CDH10: variants seen among roughly 807,000 people sequenced by gnomAD.
CDH10 encodes cadherin 10, also known as cadherin-10.
Under a neutral mutation model 73.1 loss-of-function variants are expected in CDH10, and 30 were observed. That is an observed-to-expected ratio of 0.41 (90% CI 0.31 to 0.56). CDH10 has a LOEUF of 0.56. CDH10 is among the 20% of genes least tolerant of loss of function. The probability of loss-of-function intolerance (pLI) is 0.27; values close to 1 mark genes in which losing one functional copy is unlikely to be tolerated. For synonymous variants in CDH10, 345 were observed against 348.2 expected (o/e 0.99, Z 0.10); for missense variants, 815 against 973.7 (o/e 0.84, Z 2.17).
chr5:24,593,697 T>C (rs905030942), intron 1 of CDH10, 84 bp from the exon 2 acceptor site: 2 of 522,388 alleles, frequency 3.8e-6, no homozygotes, highest in African/African-American at 3.9e-5. Context: ...GTGACAATAG[T>C]TTATTAATAA....
intron 11 of CDH10, 96 bp from the exon 12 acceptor site, chr5:24,488,249 T>A (rs2111615054): frequency 9.8e-7 from 1 of 1,024,584 alleles, no homozygotes; most frequent in Non-Finnish European, 1.4e-6. Flanking sequence ...ACTCAGGCTT[T>A]CTATAACAGC....
intron 1 of CDH10, among the ~76,000 whole-genome samples, chr5:24,604,817 G>C (rs555447302): frequency 6.7e-6 from 1 of 148,876 alleles, no homozygotes; most frequent in East Asian, 2.0e-4. Flanking sequence ...AGGTTGCAGT[G>C]AGCCGAGGTC....
intron 1 of CDH10, among the ~76,000 whole-genome samples, chr5:24,631,211 T>G (rs1747693930): frequency 6.6e-6 from 1 of 152,124 alleles, no homozygotes; most frequent in African/African-American, 2.4e-5. Flanking sequence ...TAACACTGTA[T>G]GTCATCAACT....
chr5:24,501,674 G>GA (rs967951912), intron 8 of CDH10, among the ~76,000 whole-genome samples: 2 of 152,102 alleles, frequency 1.3e-5, no homozygotes, highest in Non-Finnish European at 2.9e-5. Context: ...ACAGACATTA[G>GA]AAAAATATAA....
At chr5:24,556,163 T>A (rs1046995931) in intron 2 of CDH10, among the ~76,000 whole-genome samples, 4 of 152,152 alleles carry the variant, frequency 2.6e-5, no homozygotes, top group Non-Finnish European at 5.9e-5. Context: ...ATCATTAGTG[T>A]TTATGTCTGC....
chr5:24,574,811 T>A (rs180953341), intron 2 of CDH10, among the ~76,000 whole-genome samples: 1,093 of 71,724 alleles, frequency 0.015, 10 homozygotes, highest in Middle Eastern at 0.055. Flanking sequence ...TATTATTTTT[T>A]AAATTTAATT....
intron 2 of CDH10, among the ~76,000 whole-genome samples, chr5:24,547,521 G>A (rs1579790311): frequency 6.6e-6 from 1 of 152,082 alleles, no homozygotes; most frequent in Non-Finnish European, 1.5e-5. Flanking sequence ...TATGGTACTG[G>A]AGTAAAAATA....
intron 2 of CDH10, among the ~76,000 whole-genome samples, chr5:24,575,360 A>G (rs1388322149): frequency 6.7e-6 from 1 of 149,502 alleles, no homozygotes; most frequent in East Asian, 2.0e-4. Flanking sequence ...AACAACAAAA[A>G]AAAAAAAAAA....
At chr5:24,639,815 T>C (rs1427862619) in intron 1 of CDH10, among the ~76,000 whole-genome samples, 1 of 151,784 alleles carries the variant, frequency 6.6e-6, no homozygotes, top group Admixed American at 6.6e-5. Context: ...TCTCTTATAG[T>C]AAATCAGTAA....
chr5:24,524,005 T>C (rs1743436512), intron 5 of CDH10, among the ~76,000 whole-genome samples: 1 of 152,110 alleles, frequency 6.6e-6, no homozygotes, highest in South Asian at 2.1e-4. Context: ...GTACATTAAT[T>C]TTTTTCTAAA....
At chr5:24,632,615 G>C (rs1227141645) in intron 1 of CDH10, among the ~76,000 whole-genome samples, 1 of 151,992 alleles carries the variant, frequency 6.6e-6, no homozygotes, top group Non-Finnish European at 1.5e-5. Flanking sequence ...ATATTAAAGG[G>C]CAGTATGGCA....
intron 1 of CDH10, chr5:24,612,703 C>T (rs1348403233): frequency 6.6e-6 from 1 of 152,106 alleles, no homozygotes; most frequent in Non-Finnish European, 1.5e-5. Flanking sequence ...ATACATAATT[C>T]TTATGGCAAA....
At chr5:24,596,225 A>G (rs978049487) in intron 1 of CDH10, among the ~76,000 whole-genome samples, 29 of 151,956 alleles carry the variant, frequency 1.9e-4, no homozygotes, top group Non-Finnish European at 8.8e-5. Context: ...TGACTTTAGT[A>G]TAAATATCAC....
At chr5:24,537,104 A>T (rs2111889880) in intron 3 of CDH10, among the ~76,000 whole-genome samples, 1 of 151,962 alleles carries the variant, frequency 6.6e-6, no homozygotes, top group East Asian at 1.9e-4. Flanking sequence ...CAAAAAAATT[A>T]TTTTCACAAT....
chr5:24,505,308 A>G (rs1026598320), intron 7 of CDH10, 60 bp from the exon 8 acceptor site: 30 of 1,384,614 alleles, frequency 2.2e-5, no homozygotes, highest in Non-Finnish European at 2.8e-5. Flanking sequence ...GCAGGAAAAA[A>G]TAGTGAAATG....
chr5:24,535,586 C>T, intron 4 of CDH10, 117 bp downstream of exon 4: 1 of 890,936 alleles, frequency 1.1e-6, no homozygotes. Context: ...AGTGTTGTGT[C>T]TTCACTCATC....
chr5:24,509,968 T>A, intron 6 of CDH10, 149 bp from the exon 7 acceptor site: 1 of 568,402 alleles, frequency 1.8e-6, no homozygotes, highest in East Asian at 3.0e-5. Flanking sequence ...AATAATATAA[T>A]CTTCATGTTT....
chr5:24,509,803 C>T lies in CDH10; in HGVS notation c.1019G>A (p.Ser340Asn), dbSNP rs868513733. ...GACTTTCAGAGTATAAAGTCTTCGG[C>T]TCTCATAGTCGAGTGGCTGTATAAA... ...ITVKKPLDYESRRLYTLKVEA... is the reference protein window; with the variant it reads ...ITVKKPLDYENRRLYTLKVEA... The change falls in exon 7 of 12, where the codon AGC (serine) becomes AAC (asparagine). Residue 340 changes from serine (S) to asparagine (N), a missense_variant. Physicochemically the swap from Ser to Asn is conservative, Grantham distance 46. Around this residue, in one of 3 missense-constraint regions of CDH10, gnomAD observed 516 missense variants for 636.6 expected, o/e 0.81. Transcript: ENST00000264463. 22 of 1,608,090 alleles carry T rather than the reference C, an allele frequency of 1.4e-5. No individual in the cohort carries two copies. The Admixed American group carries it at 1.5e-4, about 11-fold the overall frequency.
At chr5:24,594,236 A>G (rs10075499) in intron 1 of CDH10, among the ~76,000 whole-genome samples, 1,925 of 152,062 alleles carry the variant, frequency 0.013, 33 homozygotes, top group African/African-American at 0.036. Flanking sequence ...TCACTACTAC[A>G]GTGAACCAAT....
Sources: allele counts gnomAD v4.1 joint callset (sites outside exome capture counted in the v4.1 genomes callset), GRCh38; gene constraint gnomAD v4.1.1; regional missense constraint gnomAD v4.1.1; transcripts MANE v1.5; gene names NCBI Gene and HGNC (gene_info 2026-07-23, HGNC 2026-07-21).